The following GRM1 variants were observed in gnomAD, a reference collection of about 807,000 sequenced individuals.
GRM1 encodes metabotropic glutamate receptor 1.
In GRM1, 33 loss-of-function variants were observed where a neutral mutation model predicts 90.9. That is an observed-to-expected ratio of 0.36 (90% CI 0.28 to 0.49). The LOEUF is 0.49. Ranked by LOEUF, GRM1 falls within the 20% of genes least tolerant of loss-of-function variation. The probability of loss-of-function intolerance (pLI) is 0.99; values close to 1 mark genes in which losing one functional copy is unlikely to be tolerated. For synonymous variants in GRM1, 700 were observed against 613.2 expected (o/e 1.14, Z -2.09); for missense variants, 1,190 against 1,534.3 (o/e 0.78, Z 3.75).
chr6:146,315,011 A>G (rs987998243), intron 3 of GRM1, among the ~76,000 whole-genome samples: 2 of 152,212 alleles, frequency 1.3e-5, no homozygotes, highest in Admixed American at 1.3e-4. Flanking sequence ...ATTGCCTTGT[A>G]TAATCAACCC....
chr6:146,356,842 G>C (rs1013897719), intron 4 of GRM1, among the ~76,000 whole-genome samples: 2 of 152,108 alleles, frequency 1.3e-5, no homozygotes, highest in Non-Finnish European at 2.9e-5. Flanking sequence ...TTGATATACT[G>C]TATGTATATA....
chr6:146,140,326 G>T (rs774002584), intron 1 of GRM1, among the ~76,000 whole-genome samples: 1 of 151,824 alleles, frequency 6.6e-6, no homozygotes, highest in African/African-American at 2.4e-5. Flanking sequence ...CTGGAGTGCA[G>T]TGCACGATCT....
chr6:146,215,085 A>G lies in GRM1; in HGVS notation c.950+55488A>G, dbSNP rs75336830. 3.5e-3 allele frequency among the ~76,000 whole-genome samples: 533 copies of G among 152,312 alleles called. 2 individuals are homozygous for G. Among genetic ancestry groups the G allele is most frequent in the Middle Eastern group, 0.01 (3 of 294 alleles). On this transcript the variant is annotated intron_variant, in intron 2 of 7. Coordinates refer to ENST00000282753, the MANE Select transcript of GRM1 (RefSeq NM_001278064.2). Reference sequence around the variant, plus strand: ...TTGACTTTTCCATGGTCTGACTGCAATGCTCAAAGTTTGTCACTCCATATT... The same window carrying G: ...TTGACTTTTCCATGGTCTGACTGCAGTGCTCAAAGTTTGTCACTCCATATT...
chr6:146,257,002 GTGTT>G (rs1397528642), intron 2 of GRM1, among the ~76,000 whole-genome samples: 2 of 152,004 alleles, frequency 1.3e-5, no homozygotes, highest in African/African-American at 4.8e-5. Context: ...TTCTGCCTCT[GTGTT>G]TTGTTTTATG....
chr6:146,388,136 A>T (rs1256865016), intron 6 of GRM1, among the ~76,000 whole-genome samples: 2 of 152,104 alleles, frequency 1.3e-5, no homozygotes, highest in African/African-American at 4.8e-5. Context: ...AAAACTTTGC[A>T]TAAATTTTAG....
intron 2 of GRM1, among the ~76,000 whole-genome samples, chr6:146,182,790 C>A (rs1404034798): frequency 2.0e-5 from 3 of 151,908 alleles, no homozygotes; most frequent in Admixed American, 6.6e-5. Context: ...TAAAACATTC[C>A]ACTCATGTTT....
At chr6:146,394,507 G>A (rs1342375744) in intron 6 of GRM1, among the ~76,000 whole-genome samples, 2 of 152,114 alleles carry the variant, frequency 1.3e-5, no homozygotes, top group African/African-American at 4.8e-5. Context: ...TGGGTCAGCA[G>A]TTAACTTCCA....
chr6:146,167,851 G>A (rs74403909), intron 2 of GRM1, among the ~76,000 whole-genome samples: 1 of 151,972 alleles, frequency 6.6e-6, no homozygotes, highest in Non-Finnish European at 1.5e-5. Flanking sequence ...TTTGTATTCT[G>A]CTGAGTGTCT....
At chr6:146,071,159 G>C (rs962621465) in intron 1 of GRM1, among the ~76,000 whole-genome samples, 2 of 152,072 alleles carry the variant, frequency 1.3e-5, no homozygotes, top group African/African-American at 2.4e-5. Context: ...TTTTGTCCAC[G>C]TGATTATTAT....
chr6:146,257,197 T>C (rs1273303055), intron 2 of GRM1, among the ~76,000 whole-genome samples: 1 of 152,158 alleles, frequency 6.6e-6, no homozygotes, highest in African/African-American at 2.4e-5. Context: ...TAGACACATA[T>C]AAGTGTATAT....
intron 1 of GRM1, among the ~76,000 whole-genome samples, chr6:146,133,757 C>T (rs961410090): frequency 3.3e-5 from 5 of 152,230 alleles, no homozygotes; most frequent in Non-Finnish European, 7.3e-5. Flanking sequence ...GCAGCCCTCA[C>T]CTCCTTGGCA....
rs558730885 is a variant in GRM1, at chr6:146,347,539, C to T, written c.1187-4711C>T. ...TAGTATGCAAATATCACCAGTATTC[C>T]TGTATACTAGCAACAAACAATTAAA... is the stretch of plus-strand genomic sequence containing the variant. On this transcript the variant is annotated intron_variant, in intron 3 of 7. Coordinates refer to ENST00000282753, the MANE Select transcript of GRM1 (RefSeq NM_001278064.2). Among the ~76,000 whole-genome samples, 4 of 152,170 alleles carry T rather than the reference C, an allele frequency of 2.6e-5. No homozygotes were observed. The South Asian group carries it at 8.3e-4, about 32-fold the overall frequency.
intron 2 of GRM1, among the ~76,000 whole-genome samples, chr6:146,227,274 CT>C (rs1215347063): frequency 6.6e-6 from 1 of 152,058 alleles, no homozygotes; most frequent in African/African-American, 2.4e-5. Flanking sequence ...AAGGCTTCTG[CT>C]TTCTGGCCCC....
chr6:146,101,651 C>G (rs1777053829), intron 1 of GRM1, among the ~76,000 whole-genome samples: 1 of 151,958 alleles, frequency 6.6e-6, no homozygotes, highest in Admixed American at 6.6e-5. Context: ...TTTTCAAGGT[C>G]CTTATGTTGA....
At chr6:146,396,496 T>C (rs752539616) in intron 6 of GRM1, among the ~76,000 whole-genome samples, 1 of 152,178 alleles carries the variant, frequency 6.6e-6, no homozygotes, top group Non-Finnish European at 1.5e-5. Flanking sequence ...ACATTAGCAC[T>C]CAGGGCCAGC....
Position 146,393,681 on chromosome 6 carries a change from C to T in GRM1, c.1730-5088C>T, listed in dbSNP as rs1035690687. On this transcript the variant is annotated intron_variant, in intron 6 of 7. Coordinates refer to ENST00000282753, the MANE Select transcript of GRM1 (RefSeq NM_001278064.2). Reference sequence around the variant, plus strand: ...GGAAGCATCAGTATCGTGAAAATGGCCATACTGCCCAAAGTAATTTATAGA... The same window carrying T: ...GGAAGCATCAGTATCGTGAAAATGGTCATACTGCCCAAAGTAATTTATAGA... Among the ~76,000 whole-genome samples the T allele has an allele frequency of 1.3e-5, 2 of 152,164 alleles. 1 individual carries two copies. The highest frequency in any genetic ancestry group is 4.2e-4 in the South Asian group (2 of 4,816).
At chr6:146,222,217 A>G (rs938114162) in intron 2 of GRM1, among the ~76,000 whole-genome samples, 5 of 152,140 alleles carry the variant, frequency 3.3e-5, no homozygotes, top group African/African-American at 1.2e-4. Flanking sequence ...GGGACAATAC[A>G]TATTTTTTAT....
Position 146,213,729 on chromosome 6 carries a change from T to G in GRM1, c.950+54132T>G, listed in dbSNP as rs73783643. On this transcript the variant is annotated intron_variant, in intron 2 of 7. Coordinates refer to ENST00000282753, the MANE Select transcript of GRM1 (RefSeq NM_001278064.2). Reference sequence around the variant, plus strand: ...ATAGATAGATAGATAGATAGATAGATAGATAGATGGATGAAAGGAGATTTA... The same window carrying G: ...ATAGATAGATAGATAGATAGATAGAGAGATAGATGGATGAAAGGAGATTTA... 8.7e-3 allele frequency among the ~76,000 whole-genome samples: 1,322 copies of G among 151,912 alleles called. 15 individuals carry two copies. Among genetic ancestry groups the G allele is most frequent in the Admixed American group, 0.021 (327 of 15,238 alleles).
chr6:146,252,411 G>A (rs975868625), intron 2 of GRM1, among the ~76,000 whole-genome samples: 7 of 152,142 alleles, frequency 4.6e-5, no homozygotes, highest in Non-Finnish European at 1.0e-4. Context: ...GTCAAGGCGG[G>A]TGGATCAATT....
Sources: gnomAD v4.1 joint callset for allele counts (sites outside exome capture counted in the v4.1 genomes callset) on GRCh38, gnomAD v4.1.1 for gene constraint, MANE v1.5 for transcripts, NCBI Gene and HGNC (gene_info 2026-07-23, HGNC 2026-07-21) for gene names.